MOBP: variants seen among roughly 807,000 people sequenced by gnomAD.
The protein encoded by MOBP is myelin associated oligodendrocyte basic protein.
In MOBP, 5 loss-of-function variants were observed where a neutral mutation model predicts 15.0. The ratio of observed to expected loss-of-function variants is 0.33; its 90% CI spans 0.17 to 0.70. MOBP has a LOEUF of 0.70. Among genes scored for constraint, MOBP ranks in the 30% least tolerant of loss-of-function variants. The pLI is 0.67. For synonymous variants in MOBP, 88 were observed against 99.0 expected (o/e 0.89, Z 0.66); for missense variants, 188 against 257.8 (o/e 0.73, Z 1.85).
chr3:39,483,576 A>G (rs1488967474), intron 2 of MOBP, among the ~76,000 whole-genome samples: 2 of 152,236 alleles, frequency 1.3e-5, no homozygotes, highest in East Asian at 3.8e-4. Flanking sequence ...GTCCCCTGCT[A>G]TGACCACAGA....
intron 2 of MOBP, among the ~76,000 whole-genome samples, chr3:39,485,340 TTTTTA>T (rs1254508011): frequency 3.3e-5 from 5 of 152,058 alleles, no homozygotes; most frequent in African/African-American, 1.2e-4. Context: ...AAGCCATTGT[TTTTTA>T]CTGTGTAAAT....
chr3:39,494,645 T>C (rs865819344), intron 2 of MOBP, among the ~76,000 whole-genome samples: 8 of 152,268 alleles, frequency 5.3e-5, no homozygotes, highest in African/African-American at 1.7e-4. Flanking sequence ...AAATAGAGTG[T>C]GTCTAAAAAA....
chr3:39,520,575 T>TGA (rs10532496), downstream of MOBP, among the ~76,000 whole-genome samples: 820 of 147,486 alleles, frequency 5.6e-3, 6 homozygotes, highest in African/African-American at 0.018. Flanking sequence ...TGTGTGTGTA[T>TGA]GAGAGAGAGA....
intron 3 of MOBP, among the ~76,000 whole-genome samples, chr3:39,523,371 C>A (rs2043293591): frequency 6.6e-6 from 1 of 151,904 alleles, no homozygotes; most frequent in Non-Finnish European, 1.5e-5. Flanking sequence ...TTTTATTATT[C>A]TTGATCATTG....
At chr3:39,474,573 TTG>T (rs778940137) in intron 1 of MOBP, among the ~76,000 whole-genome samples, 1 of 152,200 alleles carries the variant, frequency 6.6e-6, no homozygotes, top group Non-Finnish European at 1.5e-5. Context: ...GACTGAAATG[TTG>T]TTATATGGCA....
At chr3:39,498,661 A>G (rs574156834) in intron 2 of MOBP, among the ~76,000 whole-genome samples, 1 of 152,130 alleles carries the variant, frequency 6.6e-6, no homozygotes, top group African/African-American at 2.4e-5. Flanking sequence ...TGAAAGTTGG[A>G]TGCATTTTCA....
downstream of MOBP, among the ~76,000 whole-genome samples, chr3:39,518,239 T>C (rs17039129): frequency 0.019 from 2,890 of 152,192 alleles, 91 homozygotes; most frequent in African/African-American, 0.066. Context: ...TGCAAGGATT[T>C]TGTAGAGGGA....
rs1271624211 is a variant in MOBP at position 39,471,208 on chromosome 3, C to T, written c.-89+3468C>T. Among the ~76,000 whole-genome samples the T allele has an allele frequency of 2.7e-5, 4 of 150,562 alleles. No homozygotes were observed. The South Asian group carries it at 6.3e-4, about 24-fold the overall frequency. ...AGTGCACCAGCCTAGTGGCTCACTGCAACCTCTGCCTCCCAGGTTCAAGCG... is the reference window on the plus strand; with the variant it reads ...AGTGCACCAGCCTAGTGGCTCACTGTAACCTCTGCCTCCCAGGTTCAAGCG... On this transcript the variant is annotated intron_variant, in intron 1 of 3. Transcript: ENST00000684792.
intron 2 of MOBP, among the ~76,000 whole-genome samples, chr3:39,480,729 C>T (rs1219230320): frequency 6.6e-6 from 1 of 152,182 alleles, no homozygotes; most frequent in Non-Finnish European, 1.5e-5. Flanking sequence ...TGGTTTTTTA[C>T]TGGGCTGCCC....
intron 2 of MOBP, among the ~76,000 whole-genome samples, chr3:39,495,775 AAGAG>A (rs1162525149): frequency 6.6e-6 from 1 of 150,380 alleles, no homozygotes; most frequent in Non-Finnish European, 1.5e-5. Flanking sequence ...AAAGAAAAGA[AAGAG>A]GAAAAAAAGA....
In MOBP at chr3:39,469,164, G is replaced by GTATATATACATATATACGTGTGTGTGTA. The variant is rs1422100368; in HGVS notation, c.-89+1428_-89+1429insTATACATATATACGTGTGTGTGTATATA. Among the ~76,000 whole-genome samples, 8 of 43,000 alleles carry GTATATATACATATATACGTGTGTGTGTA rather than the reference G, an allele frequency of 1.9e-4. 2 individuals are homozygous for GTATATATACATATATACGTGTGTGTGTA. Among genetic ancestry groups the GTATATATACATATATACGTGTGTGTGTA allele is most frequent in the South Asian group, 1.4e-3 (2 of 1,406 alleles). 28.2% of individuals were successfully genotyped at this position (43,000 alleles called of 152,430 possible). On this transcript the variant is annotated intron_variant, in intron 1 of 3. Transcript: ENST00000684792. ...TATACATATATACATATGTGTGTGTGTATACATATATACATGTGTGTGTGT... is the reference window on the plus strand; with the variant it reads ...TATACATATATACATATGTGTGTGTGTATATATACATATATACGTGTGTGTGTATATACATATATACATGTGTGTGTGT...
At chr3:39,469,225 T>C (rs568698156) in intron 1 of MOBP, among the ~76,000 whole-genome samples, 1 of 131,096 alleles carries the variant, frequency 7.6e-6, no homozygotes, top group African/African-American at 3.2e-5. Flanking sequence ...TATATACATA[T>C]ATACATATGT....
chr3:39,485,666 C>G (rs2125636630), intron 2 of MOBP, among the ~76,000 whole-genome samples: 1 of 152,324 alleles, frequency 6.6e-6, no homozygotes, highest in South Asian at 2.1e-4. Flanking sequence ...CAGCCTGGGG[C>G]TCACCGGCCT....
At chr3:39,468,102 CTTCT>C (rs2042369751) in intron 1 of MOBP, among the ~76,000 whole-genome samples, 3 of 149,078 alleles carry the variant, frequency 2.0e-5, no homozygotes, top group African/African-American at 7.5e-5. Context: ...TAATTTATTT[CTTCT>C]TTTATTATTT....
In MOBP at chr3:39,469,188, GTGTA is replaced by G. The variant is rs1185496684; in HGVS notation, c.-89+1450_-89+1453del. ...TGTATACATATATACATGTGTGTGTGTGTATATACATATATACATGTGTGTGTAT... is the reference window on the plus strand; with the variant it reads ...TGTATACATATATACATGTGTGTGTGTATACATATATACATGTGTGTGTAT... On this transcript the variant is annotated intron_variant, in intron 1 of 3. Coordinates refer to ENST00000684792, the MANE Select transcript of MOBP (RefSeq NM_001393704.1). Among the ~76,000 whole-genome samples, 8 of 99,822 alleles carry G rather than the reference GTGTA, an allele frequency of 8.0e-5. 2 individuals are homozygous for G. The highest frequency in any genetic ancestry group is 1.4e-4 in the Non-Finnish European group (7 of 51,452). 65.5% of individuals were successfully genotyped at this position (99,822 alleles called of 152,430 possible). A position where few individuals can be genotyped will look rare whatever the true frequency, so the allele number is the denominator to read the frequency against.
chr3:39,475,262 A>T (rs1163534353), intron 1 of MOBP, among the ~76,000 whole-genome samples: 1 of 152,200 alleles, frequency 6.6e-6, no homozygotes, highest in Non-Finnish European at 1.5e-5. Flanking sequence ...CTCATATCAG[A>T]GAATAAACGA....
At chr3:39,488,059 AC>A (rs1559418733) in intron 2 of MOBP, among the ~76,000 whole-genome samples, 1 of 152,174 alleles carries the variant, frequency 6.6e-6, no homozygotes, top group Non-Finnish European at 1.5e-5. Context: ...TTTTCTCAAA[AC>A]AATCCATACA....
Position 39,482,478 on chromosome 3 carries a change from C to T in MOBP, c.-5+2355C>T, listed in dbSNP as rs569033992. Among the ~76,000 whole-genome samples the T allele has an allele frequency of 1.4e-3, 209 of 151,940 alleles. 1 individual carries two copies. Among genetic ancestry groups the T allele is most frequent in the African/African-American group, 4.8e-3 (200 of 41,436 alleles). On this transcript the variant is annotated intron_variant, in intron 2 of 3. Transcript: ENST00000684792. ...CATCCTGGCAAACATGGTGAAACCCCGTCTCTACTAAAAATATAAAAAAAT... is the reference window on the plus strand; with the variant it reads ...CATCCTGGCAAACATGGTGAAACCCTGTCTCTACTAAAAATATAAAAAAAT...
chr3:39,495,638 A>G (rs141910392), intron 2 of MOBP, among the ~76,000 whole-genome samples: 23 of 151,574 alleles, frequency 1.5e-4, no homozygotes, highest in African/African-American at 4.4e-4. Context: ...CTGTAGTCCC[A>G]GCTACTTGAG....
Sources: gnomAD v4.1 joint callset for allele counts (sites outside exome capture counted in the v4.1 genomes callset) on GRCh38, gnomAD v4.1.1 for gene constraint, MANE v1.5 for transcripts, NCBI Gene and HGNC (gene_info 2026-07-23, HGNC 2026-07-21) for gene names.